ALDH1A2: variants seen among roughly 807,000 people sequenced by gnomAD.
ALDH1A2 encodes the protein retinal dehydrogenase 2.
A neutral mutation model predicts 60.3 loss-of-function variants in ALDH1A2; 27 were observed. The observed-to-expected ratio is 0.45, with a 90% CI of 0.33 to 0.62. The LOEUF (loss-of-function observed/expected upper bound fraction) is 0.62, where lower values mean the gene tolerates loss of function less well. ALDH1A2 is among the 20% of genes least tolerant of loss of function. The pLI is 0.02. For missense variants in ALDH1A2, 581 were observed against 643.8 expected (o/e 0.90, Z 1.06); for synonymous variants, 289 against 232.4 (o/e 1.24, Z -2.21).
At chr15:58,039,959 C>A (rs1007171779) in intron 1 of ALDH1A2, among the ~76,000 whole-genome samples, 1 of 151,838 alleles carries the variant, frequency 6.6e-6, no homozygotes, top group South Asian at 2.1e-4. Context: ...TGATAATCAG[C>A]CCCCTGCCCT....
intron 4 of ALDH1A2, among the ~76,000 whole-genome samples, chr15:58,001,988 ATC>A (rs1267018721): frequency 2.0e-5 from 3 of 151,770 alleles, no homozygotes; most frequent in Admixed American, 6.6e-5. Context: ...AGGACTTTTG[ATC>A]TCTGTCTCTT....
intron 7 of ALDH1A2, among the ~76,000 whole-genome samples, chr15:57,981,327 C>CACACAG (rs1333117134): frequency 2.8e-5 from 4 of 144,242 alleles, no homozygotes; most frequent in African/African-American, 1.1e-4. Flanking sequence ...CACACACACA[C>CACACAG]AGACACACAC....
intron 7 of ALDH1A2, among the ~76,000 whole-genome samples, chr15:57,967,983 C>T (rs1397283460): frequency 6.6e-6 from 1 of 152,080 alleles, no homozygotes; most frequent in South Asian, 2.1e-4. Context: ...GAACTCACAC[C>T]GAAGGGCAAC....
At chr15:58,006,732 G>T (rs1364327468) in intron 4 of ALDH1A2, among the ~76,000 whole-genome samples, 26 of 143,068 alleles carry the variant, frequency 1.8e-4, no homozygotes, top group Admixed American at 1.5e-3. Flanking sequence ...GTAGTGAGGT[G>T]GTTCAGCTGT....
intron 9 of ALDH1A2, 138 bp downstream of exon 9, chr15:57,963,747 C>G: frequency 1.2e-6 from 1 of 854,570 alleles, no homozygotes; most frequent in South Asian, 1.7e-5. Flanking sequence ...GCTCCATTTC[C>G]AGCCACGAAG....
intron 7 of ALDH1A2, among the ~76,000 whole-genome samples, chr15:57,982,176 A>G (rs1454669907): frequency 6.6e-6 from 1 of 152,238 alleles, no homozygotes; most frequent in African/African-American, 2.4e-5. Context: ...TGGGGAACAC[A>G]TTCAAATCAT....
intron 1 of ALDH1A2, among the ~76,000 whole-genome samples, chr15:58,063,309 C>T (rs1388000725): frequency 1.3e-5 from 2 of 152,170 alleles, no homozygotes; most frequent in African/African-American, 4.8e-5. Context: ...ATATTTAACA[C>T]GCCCTAACGC....
chr15:57,970,520 T>A (rs1286699826), intron 7 of ALDH1A2, among the ~76,000 whole-genome samples: 1 of 152,144 alleles, frequency 6.6e-6, no homozygotes, highest in Non-Finnish European at 1.5e-5. Flanking sequence ...GGGAAAGCAA[T>A]TTGGGGCTTT....
intron 1 of ALDH1A2, among the ~76,000 whole-genome samples, chr15:58,024,581 C>A (rs1347328667): frequency 1.3e-5 from 2 of 152,120 alleles, no homozygotes; most frequent in Admixed American, 1.3e-4. Context: ...ATTACTAGAT[C>A]TAAATAGACA....
intron 7 of ALDH1A2, among the ~76,000 whole-genome samples, chr15:57,966,571 G>T (rs1212893084): frequency 6.6e-6 from 1 of 152,218 alleles, no homozygotes. Context: ...GCCTGCAGCT[G>T]TCACCTCCTT....
At chr15:57,981,319 C>CAG (rs1566936711) in intron 7 of ALDH1A2, among the ~76,000 whole-genome samples, 1 of 145,854 alleles carries the variant, frequency 6.9e-6, no homozygotes, top group Non-Finnish European at 1.5e-5. Flanking sequence ...CACACACACA[C>CAG]ACACACACAG....
intron 7 of ALDH1A2, among the ~76,000 whole-genome samples, chr15:57,992,149 C>G (rs1263084212): frequency 1.3e-5 from 2 of 152,170 alleles, no homozygotes; most frequent in Non-Finnish European, 2.9e-5. Context: ...CATAGCCACA[C>G]TCAATATTAT....
At chr15:58,061,054 G>C (rs1897021046) in intron 1 of ALDH1A2, among the ~76,000 whole-genome samples, 1 of 152,100 alleles carries the variant, frequency 6.6e-6, no homozygotes, top group African/African-American at 2.4e-5. Context: ...CCTCTACTCT[G>C]AAATACAAAA....
At chr15:57,958,328 ATCT>A (rs1449391952) in intron 12 of ALDH1A2, among the ~76,000 whole-genome samples, 550 of 152,352 alleles carry the variant, frequency 3.6e-3, no homozygotes, top group African/African-American at 0.013. Flanking sequence ...AATTCTTTCC[ATCT>A]CCTCAGTTTG....
At chr15:58,002,754 G>T (rs984240323) in intron 4 of ALDH1A2, among the ~76,000 whole-genome samples, 13 of 151,808 alleles carry the variant, frequency 8.6e-5, no homozygotes, top group Non-Finnish European at 1.9e-4. Context: ...GTGAATGAAG[G>T]TCATCTTCCA....
intron 12 of ALDH1A2, among the ~76,000 whole-genome samples, chr15:57,960,183 T>A (rs1893674421): frequency 6.6e-6 from 1 of 152,210 alleles, no homozygotes. Context: ...CCCCAAAACA[T>A]ATTAAATGCC....
chr15:58,017,526 G>C (rs1895819451), intron 1 of ALDH1A2, among the ~76,000 whole-genome samples: 1 of 152,242 alleles, frequency 6.6e-6, no homozygotes, highest in Non-Finnish European at 1.5e-5. Context: ...ATTACACTGT[G>C]ATAATAATGC....
chr15:57,991,445 C>A (rs551343927), intron 7 of ALDH1A2: 1 of 152,228 alleles, frequency 6.6e-6, no homozygotes, highest in East Asian at 1.9e-4. Context: ...ATTAATAAAT[C>A]TTTTATTAAA....
intron 7 of ALDH1A2, chr15:57,991,330 A>G (rs569172472): frequency 6.2e-4 from 94 of 152,350 alleles, no homozygotes; most frequent in African/African-American, 2.1e-3. Flanking sequence ...ATTAAACTGC[A>G]AAATTACAAT....
Sources: gnomAD v4.1 joint callset for allele counts (sites outside exome capture counted in the v4.1 genomes callset) on GRCh38, gnomAD v4.1.1 for gene constraint, MANE v1.5 for transcripts, NCBI Gene and HGNC (gene_info 2026-07-23, HGNC 2026-07-21) for gene names.